The following DNAH9 variants were observed in gnomAD, a reference collection of about 807,000 sequenced individuals.
DNAH9 encodes the protein DNAH9 variant protein.
In DNAH9, 345 loss-of-function variants were observed where a neutral mutation model predicts 471.6. The ratio of observed to expected loss-of-function variants is 0.73; its 90% CI spans 0.67 to 0.80. The LOEUF is 0.80. DNAH9 is among the 30% of genes least tolerant of loss of function. The pLI is 0.00. For missense variants in DNAH9, 5,407 were observed against 5,609.2 expected, an observed-to-expected ratio of 0.96 and a Z score of 1.15; for synonymous variants, 2,093 against 2,123.6, an observed-to-expected ratio of 0.99 and a Z score of 0.40.
At position 11,961,719 on chromosome 17, in the gene DNAH9, A is replaced by G. The variant is rs145877384; in HGVS notation, c.12844-148A>G. 7.3e-5 allele frequency: 72 copies of G among 983,364 alleles called. No homozygotes were observed. In the Middle Eastern group the frequency reaches 9.4e-4, roughly 13 times the overall value. 60.9% of individuals were successfully genotyped at this position (983,364 alleles called of 1,614,324 possible). ...AGACAGGACAGTCATTGTGTCACCT[A>G]CCCCTGGAGTTTTATGTTCAAATGA... On this transcript the variant is annotated intron_variant, in intron 67 of 68. Transcript: ENST00000262442.
intron 12 of DNAH9, 87 bp downstream of exon 12, chr17:11,647,285 T>G (rs868821277): frequency 2.2e-6 from 3 of 1,355,594 alleles, no homozygotes; most frequent in Non-Finnish European, 2.0e-6. Flanking sequence ...GACTTTTATT[T>G]TTTTGAGACG....
chr17:11,679,834 G>A lies in DNAH9; in HGVS notation c.3431G>A (p.Gly1144Asp), dbSNP rs560638458. ...AAAGTTGAAAAAGGAGATTTCCAAGGCTTGGTTGAGATCATGGGACACCTT... is the reference window on the plus strand; with the variant it reads ...AAAGTTGAAAAAGGAGATTTCCAAGACTTGGTTGAGATCATGGGACACCTT... ...LKKVEKGDFQ[G>D]LVEIMGHLMA... Residue 1144 changes from glycine (G) to aspartate (D), a missense_variant, in exon 18 of 69, where the codon GGC becomes GAC. Around this residue, in one of 3 missense-constraint regions of DNAH9, gnomAD observed 4,636 missense variants for 4,900.3 expected, o/e 0.95. Transcript: ENST00000262442. 5 of 1,613,994 alleles carry A rather than the reference G, an allele frequency of 3.1e-6. No individual in the cohort carries two copies. Among genetic ancestry groups the A allele is most frequent in the Non-Finnish European group, 4.2e-6 (5 of 1,180,016 alleles).
intron 61 of DNAH9, among the ~76,000 whole-genome samples, chr17:11,923,039 G>A (rs1251483234): frequency 7.3e-6 from 1 of 137,734 alleles, no homozygotes; most frequent in Non-Finnish European, 1.6e-5. Flanking sequence ...ATTTTGGTCT[G>A]AACAAGTGCT....
chr17:11,618,628 ATC>A (rs969965548), intron 5 of DNAH9, among the ~76,000 whole-genome samples: 27 of 151,446 alleles, frequency 1.8e-4, no homozygotes, highest in African/African-American at 6.3e-4. Flanking sequence ...GGTTTGGGTG[ATC>A]TCTCCAAACC....
intron 1 of DNAH9, among the ~76,000 whole-genome samples, chr17:11,604,660 G>A (rs550080423): frequency 3.9e-5 from 6 of 152,010 alleles, no homozygotes; most frequent in East Asian, 3.9e-4. Flanking sequence ...CATTCTTCCC[G>A]TTGTTCAAGC....
At chr17:11,800,327 CCTT>C (rs1366861834) in intron 43 of DNAH9, among the ~76,000 whole-genome samples, 1 of 151,864 alleles carries the variant, frequency 6.6e-6, no homozygotes, top group Non-Finnish European at 1.5e-5. Flanking sequence ...CCTCCTCTCA[CCTT>C]CTCGGTGACT....
chr17:11,610,049 T>G (rs2072600157), intron 2 of DNAH9, among the ~76,000 whole-genome samples: 1 of 152,214 alleles, frequency 6.6e-6, no homozygotes, highest in Non-Finnish European at 1.5e-5. Context: ...CATTGGGTGG[T>G]CATCTGAATA....
intron 17 of DNAH9, among the ~76,000 whole-genome samples, chr17:11,677,416 TGTCTTGTACTAAA>T (rs1164860616): frequency 4.6e-5 from 7 of 152,210 alleles, no homozygotes; most frequent in African/African-American, 1.7e-4. Context: ...ACTAGCAATA[TGTCTTGTACTAAA>T]GTATGTTTTG....
Position 11,868,826 on chromosome 17 carries a change from G to A in DNAH9, c.9934-308G>A, listed in dbSNP as rs189402389. ...ATCCACATCCCTGACACCTCGTAGCGTTCAACACCTCGATGACTGCGGTGG... is the reference window on the plus strand; with the variant it reads ...ATCCACATCCCTGACACCTCGTAGCATTCAACACCTCGATGACTGCGGTGG... On this transcript the variant is annotated intron_variant, in intron 50 of 68. Coordinates refer to ENST00000262442, the MANE Select transcript of DNAH9 (RefSeq NM_001372.4). Among the ~76,000 whole-genome samples the A allele has an allele frequency of 3.2e-4, 48 of 152,176 alleles. No individual in the cohort carries two copies. The South Asian group carries it at 3.3e-3, about 11-fold the overall frequency.
intron 49 of DNAH9, among the ~76,000 whole-genome samples, chr17:11,843,459 G>A (rs1783680943): frequency 6.6e-6 from 1 of 151,974 alleles, no homozygotes; most frequent in Admixed American, 6.6e-5. Flanking sequence ...TATTTTAAAA[G>A]ATATGAATAA....
intron 14 of DNAH9, among the ~76,000 whole-genome samples, chr17:11,654,830 AAATT>A (rs2150707089): frequency 6.6e-6 from 1 of 152,216 alleles, no homozygotes; most frequent in South Asian, 2.1e-4. Flanking sequence ...CAGACAGGCT[AAATT>A]AATTGTCTGT....
chr17:11,898,840 CGTACAATTTA>C (rs1356784048), intron 59 of DNAH9, among the ~76,000 whole-genome samples: 1 of 152,170 alleles, frequency 6.6e-6, no homozygotes, highest in Non-Finnish European at 1.5e-5. Context: ...CCAAAAGCTA[CGTACAATTTA>C]GTTTCATTCC....
intron 38 of DNAH9, among the ~76,000 whole-genome samples, chr17:11,776,826 C>T (rs1190710590): frequency 2.0e-5 from 3 of 152,124 alleles, no homozygotes; most frequent in Non-Finnish European, 4.4e-5. Context: ...ACTGGGTAGT[C>T]ATGCACAAAC....
At chr17:11,946,554 C>T (rs1975130441) in intron 67 of DNAH9, among the ~76,000 whole-genome samples, 1 of 150,552 alleles carries the variant, frequency 6.6e-6, no homozygotes, top group African/African-American at 2.4e-5. Flanking sequence ...GTCCCAGCCA[C>T]TCGGGAGGCT....
chr17:11,652,186 G>T (rs192682357), intron 13 of DNAH9, among the ~76,000 whole-genome samples: 15 of 151,184 alleles, frequency 9.9e-5, no homozygotes, highest in Admixed American at 7.2e-4. Flanking sequence ...ATATAAGATT[G>T]CATTCCCTAG....
intron 55 of DNAH9, among the ~76,000 whole-genome samples, chr17:11,881,757 T>C (rs1252033127): frequency 2.0e-5 from 3 of 151,624 alleles, no homozygotes; most frequent in Non-Finnish European, 4.4e-5. Flanking sequence ...AAAATAAATA[T>C]TAAAATTAAC....
intron 41 of DNAH9, among the ~76,000 whole-genome samples, chr17:11,789,982 A>G (rs1969006793): frequency 1.3e-5 from 2 of 152,024 alleles, no homozygotes; most frequent in South Asian, 2.1e-4. Context: ...ATTTTCAAAC[A>G]TTTAGAGATT....
chr17:11,895,992 C>T (rs1448270825), intron 59 of DNAH9, among the ~76,000 whole-genome samples: 9 of 152,172 alleles, frequency 5.9e-5, no homozygotes, highest in Non-Finnish European at 8.8e-5. Context: ...TTTTCAGAGC[C>T]TGTATTGCTT....
chr17:11,727,562 A>G (rs2075177750), intron 27 of DNAH9, among the ~76,000 whole-genome samples: 1 of 152,198 alleles, frequency 6.6e-6, no homozygotes, highest in African/African-American at 2.4e-5. Context: ...CGAATCAACA[A>G]TAATGCAACC....
Sources: allele counts gnomAD v4.1 joint callset (sites outside exome capture counted in the v4.1 genomes callset), GRCh38; gene constraint gnomAD v4.1.1; regional missense constraint gnomAD v4.1.1; transcripts MANE v1.5; gene names NCBI Gene and HGNC (gene_info 2026-07-23, HGNC 2026-07-21).